The following SLC35D2 variants were observed in gnomAD, a reference collection of about 807,000 sequenced individuals.
SLC35D2 encodes nucleotide sugar transporter SLC35D2.
SLC35D2 carries 43 observed loss-of-function variants against 41.8 expected under a neutral mutation model. The observed-to-expected ratio is 1.03, with a 90% CI of 0.81 to 1.33. The LOEUF (loss-of-function observed/expected upper bound fraction) is 1.33. Among genes scored for constraint, SLC35D2 ranks in the 40% most tolerant of loss-of-function variants. SLC35D2 has a pLI of 0.00. For synonymous variants in SLC35D2, 150 were observed against 163.9 expected, an observed-to-expected ratio of 0.92 and a Z score of 0.65; for missense variants, 380 against 408.4, an observed-to-expected ratio of 0.93 and a Z score of 0.60.
At chr9:96,327,253 TG>T (rs1206441420) in intron 9 of SLC35D2, among the ~76,000 whole-genome samples, 1 of 152,174 alleles carries the variant, frequency 6.6e-6, no homozygotes, top group East Asian at 1.9e-4. Flanking sequence ...AAAAAAGGGT[TG>T]GGGGGAACCT....
chr9:96,318,570 C>T (rs1307246192), downstream of SLC35D2, among the ~76,000 whole-genome samples: 1 of 152,062 alleles, frequency 6.6e-6, no homozygotes, highest in East Asian at 1.9e-4. Flanking sequence ...GGGCAATGGA[C>T]TTGAATAGAC....
downstream of SLC35D2, among the ~76,000 whole-genome samples, chr9:96,319,514 A>AAG (rs398011560): frequency 6.6e-6 from 1 of 150,876 alleles, no homozygotes; most frequent in Non-Finnish European, 1.5e-5. Flanking sequence ...TTAAAAAAAA[A>AAG]GTTTTTTTTG....
chr9:96,349,309 C>T (rs1015716700), intron 6 of SLC35D2, among the ~76,000 whole-genome samples: 1 of 152,050 alleles, frequency 6.6e-6, no homozygotes, highest in African/African-American at 2.4e-5. Flanking sequence ...AGAATCAATC[C>T]TTTACAATTT....
intron 4 of SLC35D2, among the ~76,000 whole-genome samples, chr9:96,357,762 G>A (rs1469976333): frequency 6.6e-6 from 1 of 152,000 alleles, no homozygotes; most frequent in Non-Finnish European, 1.5e-5. Context: ...TTACAGGCTG[G>A]GCACAGTGGC....
At chr9:96,323,176 TAGG>T (rs951622750) in intron 10 of SLC35D2, among the ~76,000 whole-genome samples, 2 of 152,138 alleles carry the variant, frequency 1.3e-5, no homozygotes, top group Non-Finnish European at 2.9e-5. Context: ...CAGTGCATTC[TAGG>T]AGACCTCTGG....
chr9:96,333,714 C>T (rs1828920459), intron 9 of SLC35D2, among the ~76,000 whole-genome samples: 1 of 151,994 alleles, frequency 6.6e-6, no homozygotes, highest in African/African-American at 2.4e-5. Context: ...CCACTGAGGA[C>T]AGCTGACCTC....
chr9:96,335,963 T>C lies in SLC35D2; in HGVS notation c.752+754A>G, dbSNP rs557056046. ...AGCTACTCGGGAGGCTGAGGCAGAA[T>C]TGCTTGAACCTGGGAGGCAGAGGTT... On this transcript the variant is annotated intron_variant, in intron 9 of 11. Coordinates refer to ENST00000253270, the MANE Select transcript of SLC35D2 (RefSeq NM_007001.3). Among the ~76,000 whole-genome samples the C allele has an allele frequency of 9.9e-5, 15 of 151,630 alleles. No individual in the cohort carries two copies. In the South Asian group the frequency reaches 2.7e-3, roughly 27 times the overall value.
At chr9:96,368,805 C>T (rs756540027) in intron 1 of SLC35D2, among the ~76,000 whole-genome samples, 3 of 151,924 alleles carry the variant, frequency 2.0e-5, no homozygotes, top group Admixed American at 6.6e-5. Context: ...CACTCTATCA[C>T]GCAGGCTGGA....
chr9:96,383,390 G>T (rs1831290456), intron 1 of SLC35D2, 87 bp downstream of exon 1: 64 of 1,102,384 alleles, frequency 5.8e-5, no homozygotes, highest in Non-Finnish European at 7.8e-5. Context: ...GTCCCCACCC[G>T]CCCTGTCCCG....
rs149067768 is a variant in SLC35D2, at chr9:96,352,352, C to T, written c.348-243G>A. Among the ~76,000 whole-genome samples the T allele has an allele frequency of 5.3e-3, 804 of 152,056 alleles. 46 individuals are homozygous for T. In the East Asian group the frequency reaches 0.12, roughly 23 times the overall value. On this transcript the variant is annotated intron_variant, in intron 4 of 11. Coordinates refer to ENST00000253270, the MANE Select transcript of SLC35D2 (RefSeq NM_007001.3). ...TTTATTTTTTTTGGAGACAGAGTCT[C>T]GCTGTGTTGCCCAGGCTGTAGTGCA...
At chr9:96,353,456 C>T (rs538308712) in intron 4 of SLC35D2, among the ~76,000 whole-genome samples, 55 of 152,182 alleles carry the variant, frequency 3.6e-4, no homozygotes, top group Non-Finnish European at 4.1e-4. Context: ...CGGGTTCAAG[C>T]GATTCTCCTG....
intron 3 of SLC35D2, among the ~76,000 whole-genome samples, chr9:96,364,049 C>T (rs1329839898): frequency 6.6e-6 from 1 of 152,208 alleles, no homozygotes; most frequent in Non-Finnish European, 1.5e-5. Context: ...GGCACAGTGG[C>T]TCACACCTGT....
intron 4 of SLC35D2, among the ~76,000 whole-genome samples, chr9:96,359,551 G>A (rs1006902375): frequency 2.7e-5 from 4 of 149,758 alleles, no homozygotes; most frequent in South Asian, 4.3e-4. Context: ...TTAGCCAGGC[G>A]TGGTGGCAGG....
At chr9:96,315,653 T>A (rs1278590494) in intron 11 of SLC35D2, among the ~76,000 whole-genome samples, 1 of 152,078 alleles carries the variant, frequency 6.6e-6, no homozygotes, top group Non-Finnish European at 1.5e-5. Context: ...CGGGATGGTC[T>A]CCATCTCCTG....
chr9:96,321,579 T>C (rs1828228247), intron 11 of SLC35D2, among the ~76,000 whole-genome samples: 1 of 152,164 alleles, frequency 6.6e-6, no homozygotes, highest in South Asian at 2.1e-4. Context: ...AATAAGCACT[T>C]GGTTTCTACT....
At chr9:96,341,431 A>G (rs1829321378) in intron 8 of SLC35D2, among the ~76,000 whole-genome samples, 1 of 152,196 alleles carries the variant, frequency 6.6e-6, no homozygotes, top group Non-Finnish European at 1.5e-5. Context: ...ACAGTGGAGG[A>G]TGTGTTTCTA....
chr9:96,319,209 T>C (rs1828128115), downstream of SLC35D2, among the ~76,000 whole-genome samples: 1 of 152,158 alleles, frequency 6.6e-6, no homozygotes, highest in African/African-American at 2.4e-5. Context: ...TGCTACAACA[T>C]GGATGAACCT....
At chr9:96,360,593 C>T (rs1473703309) in intron 3 of SLC35D2, among the ~76,000 whole-genome samples, 7 of 119,364 alleles carry the variant, frequency 5.9e-5, no homozygotes, top group Non-Finnish European at 1.1e-4. Flanking sequence ...TGCACCACTG[C>T]ACTCCAGCTT....
At chr9:96,371,730 T>C (rs1416932655) in intron 1 of SLC35D2, among the ~76,000 whole-genome samples, 1 of 117,060 alleles carries the variant, frequency 8.5e-6, no homozygotes, top group African/African-American at 3.2e-5. Context: ...TTTTTTTTTT[T>C]TTTTTTTTTT....
Sources: allele counts gnomAD v4.1 joint callset (sites outside exome capture counted in the v4.1 genomes callset), GRCh38; gene constraint gnomAD v4.1.1; transcripts MANE v1.5; gene names NCBI Gene and HGNC (gene_info 2026-07-23, HGNC 2026-07-21).